LMO3: variants seen among roughly 807,000 people sequenced by gnomAD.
The protein encoded by LMO3 is LIM domain only protein 3.
LMO3 carries 2 observed loss-of-function variants against 15.8 expected under a neutral mutation model. The observed-to-expected ratio is 0.13, with a 90% CI of 0.05 to 0.40. The LOEUF (loss-of-function observed/expected upper bound fraction) is 0.40. LMO3 is among the 10% of genes least tolerant of loss of function. The pLI is 0.99. For synonymous variants in LMO3, 62 were observed against 63.8 expected, an observed-to-expected ratio of 0.97 and a Z score of 0.13; for missense variants, 86 against 182.2, an observed-to-expected ratio of 0.47 and a Z score of 3.04.
chr12:16,556,974 C>T (rs1039773811), intron 3 of LMO3, among the ~76,000 whole-genome samples: 6 of 152,106 alleles, frequency 3.9e-5, no homozygotes, highest in Non-Finnish European at 7.4e-5. Context: ...TAGTATTTCG[C>T]AGCAATAAGA....
chr12:16,588,246 A>G (rs1386427319), intron 2 of LMO3, among the ~76,000 whole-genome samples: 1 of 151,986 alleles, frequency 6.6e-6, no homozygotes. Flanking sequence ...ATTTATAAAT[A>G]TATACAAATA....
chr12:16,607,068 GGTCT>G (rs1258423369), upstream of LMO3: 3 of 152,328 alleles, frequency 2.0e-5, no homozygotes, highest in African/African-American at 7.2e-5. Context: ...TGCAGTCGCT[GGTCT>G]GTCTGTGACT....
intron 2 of LMO3, among the ~76,000 whole-genome samples, chr12:16,588,343 A>T (rs938249362): frequency 2.1e-4 from 32 of 152,086 alleles, no homozygotes; most frequent in Admixed American, 2.1e-3. Flanking sequence ...AAATAATGTG[A>T]GTAAAAAAGT....
rs1217422510 is a variant in LMO3, at chr12:16,604,067, C to A, written c.-9+1999G>T. ...GGTTCTGCAGCTGGGAGCATTGACA[C>A]AGATTAAAAGAATTTGGCCAACATG... On this transcript the variant is annotated intron_variant, in intron 1 of 3. Coordinates refer to ENST00000537304, the MANE Select transcript of LMO3 (RefSeq NM_018640.5). This position sits in a 1 kb window ranked among gnomAD's most constrained non-coding sequence, Gnocchi z 5.3. Among the ~76,000 whole-genome samples, 1 of 152,158 alleles carries A rather than the reference C, an allele frequency of 6.6e-6. No individual in the cohort carries two copies. Among genetic ancestry groups the A allele is most frequent in the Non-Finnish European group, 1.5e-5 (1 of 68,032 alleles).
At chr12:16,571,950 G>A (rs1942825591) in intron 2 of LMO3, among the ~76,000 whole-genome samples, 1 of 151,784 alleles carries the variant, frequency 6.6e-6, no homozygotes, top group African/African-American at 2.4e-5. Flanking sequence ...TCCTTAAAAG[G>A]ATTTTTGCAT....
At position 16,585,099 on chromosome 12, in the gene LMO3, G is replaced by A. The variant is rs949023140; in HGVS notation, c.206+15556C>T. ...AATCAGCAACATTAGGCCCACATTC[G>A]TACAGTGTGCTGGAATTAAGTCATG... On this transcript the variant is annotated intron_variant, in intron 2 of 3. Transcript: ENST00000537304. This position sits in a 1 kb window ranked among gnomAD's most constrained non-coding sequence, Gnocchi z 4.7. Among the ~76,000 whole-genome samples the A allele has an allele frequency of 2.0e-5, 3 of 152,098 alleles. No individual in the cohort carries two copies. Among genetic ancestry groups the A allele is most frequent in the South Asian group, 4.1e-4 (2 of 4,828 alleles).
chr12:16,606,396 C>A (rs1047460842), upstream of LMO3: 1 of 152,460 alleles, frequency 6.6e-6, no homozygotes, highest in Non-Finnish European at 1.5e-5. Flanking sequence ...CTGCAAAATG[C>A]AATCCCTTCC....
chr12:16,571,844 A>G (rs1305144899), intron 2 of LMO3, among the ~76,000 whole-genome samples: 1 of 152,056 alleles, frequency 6.6e-6, no homozygotes, highest in Admixed American at 6.6e-5. Context: ...TGAACTTGTA[A>G]CATTGTCTTA....
intron 2 of LMO3, among the ~76,000 whole-genome samples, chr12:16,595,915 A>G (rs1438256180): frequency 2.6e-5 from 4 of 151,492 alleles, no homozygotes; most frequent in Non-Finnish European, 5.9e-5. Context: ...CTGGAAAAAT[A>G]CTTCCAAATG....
chr12:16,574,845 G>A (rs1942941070), intron 2 of LMO3, among the ~76,000 whole-genome samples: 1 of 152,150 alleles, frequency 6.6e-6, no homozygotes, highest in African/African-American at 2.4e-5. Context: ...AGTATAGAGA[G>A]GTAGCAGTGA....
rs947788906 is a variant in LMO3, at chr12:16,600,516, C to T, written c.206+139G>A. 66 of 683,076 alleles carry T rather than the reference C, an allele frequency of 9.7e-5. 1 individual carries two copies. The highest frequency in any genetic ancestry group is 5.0e-4 in the African/African-American group (28 of 55,646). The allele number at this position is 683,076 out of a possible 1,614,324, so 42.3% of individuals were successfully genotyped here. ...AATTTGAGTAACACACACAGGGCAA[C>T]GCTTTGAAGGCTGACAGGTAACTTC... is the stretch of plus-strand genomic sequence containing the variant. On this transcript the variant is annotated intron_variant, in intron 2 of 3. Coordinates refer to ENST00000537304, the MANE Select transcript of LMO3 (RefSeq NM_018640.5).
chr12:16,600,561 C>T, intron 2 of LMO3, 94 bp downstream of exon 2: 2 of 1,035,818 alleles, frequency 1.9e-6, no homozygotes, highest in Non-Finnish European at 2.9e-6. Flanking sequence ...TATAAGCTGG[C>T]AGTAAGGAAA....
intron 3 of LMO3, among the ~76,000 whole-genome samples, chr12:16,556,409 A>G (rs1942191041): frequency 6.6e-6 from 1 of 151,998 alleles, no homozygotes; most frequent in African/African-American, 2.4e-5. Flanking sequence ...AAAGGGGCAG[A>G]GGAGATCTAT....
intron 2 of LMO3, among the ~76,000 whole-genome samples, chr12:16,575,357 T>C (rs1333435456): frequency 2.0e-5 from 3 of 152,210 alleles, no homozygotes; most frequent in African/African-American, 7.2e-5. Flanking sequence ...CCAAGTCCTC[T>C]CTGATAATGA....
At chr12:16,562,530 T>C (rs769917354) in intron 2 of LMO3, among the ~76,000 whole-genome samples, 3 of 152,200 alleles carry the variant, frequency 2.0e-5, no homozygotes, top group Non-Finnish European at 4.4e-5. Flanking sequence ...TGATTAGAAT[T>C]TGTTTCCACA....
At position 16,551,320 on chromosome 12, in the gene LMO3, C is replaced by CACA; in HGVS notation, c.337_339dup (p.Cys113dup). The stretch of plus-strand genomic sequence containing the variant: ...TTCTTTAGGAAAAATTTGTCTCCAA[C>CACA]ACAAAATCTGAAAATATTTTAAACA... On this transcript the variant is annotated inframe_insertion, in exon 4 of 4. Coordinates refer to ENST00000537304, the MANE Select transcript of LMO3 (RefSeq NM_018640.5). 6.3e-7 allele frequency: 1 copy of CACA among 1,586,608 alleles called. No individual in the cohort carries two copies. The highest frequency in any genetic ancestry group is 8.7e-7 in the Non-Finnish European group (1 of 1,155,290).
intron 2 of LMO3, among the ~76,000 whole-genome samples, chr12:16,562,628 T>A (rs1456749218): frequency 6.6e-6 from 1 of 152,228 alleles, no homozygotes. Flanking sequence ...CTGCTTCTGC[T>A]GCCATCAGTC....
At chr12:16,602,522 A>T (rs1280770786) in intron 1 of LMO3, among the ~76,000 whole-genome samples, 1 of 152,174 alleles carries the variant, frequency 6.6e-6, no homozygotes, top group Non-Finnish European at 1.5e-5. Flanking sequence ...TTCTTTCTGC[A>T]TCATAAGCAT....
chr12:16,552,342 G>A (rs1942020498), intron 3 of LMO3, among the ~76,000 whole-genome samples: 1 of 151,986 alleles, frequency 6.6e-6, no homozygotes, highest in Admixed American at 6.6e-5. Context: ...TTTGATAGTA[G>A]TCTCTCTTTA....
Sources: gnomAD v4.1 joint callset for allele counts (sites outside exome capture counted in the v4.1 genomes callset) on GRCh38, gnomAD v4.1.1 for gene constraint, Gnocchi (gnomAD v3.1) non-coding constraint, MANE v1.5 for transcripts, NCBI Gene and HGNC (gene_info 2026-07-23, HGNC 2026-07-21) for gene names.